The following SACM1L variants were observed in gnomAD, a reference collection of about 807,000 sequenced individuals.
The protein encoded by SACM1L is phosphatidylinositol-3-phosphatase SAC1.
SACM1L carries 32 observed loss-of-function variants against 89.5 expected under a neutral mutation model. The observed-to-expected ratio is 0.36, with a 90% CI of 0.27 to 0.48. The LOEUF is 0.48. Among genes scored for constraint, SACM1L ranks in the 20% least tolerant of loss-of-function variants. The pLI is 0.99. For missense variants in SACM1L, 543 were observed against 708.5 expected, an observed-to-expected ratio of 0.77 and a Z score of 2.65; for synonymous variants, 213 against 232.8, an observed-to-expected ratio of 0.92 and a Z score of 0.77.
chr3:45,729,283 T>TGGGGC (rs71095052), intron 11 of SACM1L, among the ~76,000 whole-genome samples: 1 of 151,952 alleles, frequency 6.6e-6, no homozygotes. Flanking sequence ...GACAGGGTTT[T>TGGGGC]CATGTTGGCC....
intron 7 of SACM1L, among the ~76,000 whole-genome samples, chr3:45,715,975 C>G (rs1441984059): frequency 2.6e-5 from 4 of 151,912 alleles, no homozygotes; most frequent in African/African-American, 9.7e-5. Flanking sequence ...TTTAAATGAG[C>G]TTTTCTTTAG....
intron 7 of SACM1L, among the ~76,000 whole-genome samples, chr3:45,715,976 T>C (rs1698648018): frequency 6.6e-6 from 1 of 152,152 alleles, no homozygotes; most frequent in Non-Finnish European, 1.5e-5. Context: ...TTAAATGAGC[T>C]TTTCTTTAGT....
chr3:45,743,758 G>A lies in SACM1L; in HGVS notation c.*89G>A, dbSNP rs908185925. 1.5e-5 allele frequency: 22 copies of A among 1,435,880 alleles called. No individual in the cohort carries two copies. Among genetic ancestry groups the A allele is most frequent in the East Asian group, 2.3e-5 (1 of 42,908 alleles). 88.9% of individuals were successfully genotyped at this position (1,435,880 alleles called of 1,614,324 possible). A position where few individuals can be genotyped will look rare whatever the true frequency, so the allele number is the denominator to read the frequency against. ...TGACCCGCTTTCCACATCAGCCCAA[G>A]GTCTTTTTAATGCCTTTATCCAAAA... On this transcript the variant is annotated 3_prime_UTR_variant, in exon 20 of 20. Transcript: ENST00000389061.
chr3:45,737,069 G>T (rs1699217822), intron 14 of SACM1L, among the ~76,000 whole-genome samples: 1 of 152,168 alleles, frequency 6.6e-6, no homozygotes, highest in Non-Finnish European at 1.5e-5. Flanking sequence ...GATTCAGGGG[G>T]CCCAGCAACC....
chr3:45,718,859 C>T (rs1435266061), intron 7 of SACM1L, among the ~76,000 whole-genome samples: 1 of 152,012 alleles, frequency 6.6e-6, no homozygotes, highest in Non-Finnish European at 1.5e-5. Flanking sequence ...GTGTCCTATA[C>T]CATATACTAT....
intron 1 of SACM1L, 42 bp from the exon 2 acceptor site, chr3:45,703,396 A>G (rs775468178): frequency 4.4e-6 from 6 of 1,348,722 alleles, no homozygotes; most frequent in South Asian, 1.2e-5. Flanking sequence ...AGAAGTCTTC[A>G]TTTCATTTGG....
chr3:45,714,250 T>C (rs1698594565), intron 7 of SACM1L, among the ~76,000 whole-genome samples, 171 bp downstream of exon 7: 1 of 151,802 alleles, frequency 6.6e-6, no homozygotes, highest in Non-Finnish European at 1.5e-5. Context: ...TGTTTTTTTT[T>C]TTTTTAGAAT....
chr3:45,719,709 T>C, intron 8 of SACM1L, 108 bp downstream of exon 8: 2 of 604,440 alleles, frequency 3.3e-6, no homozygotes, highest in East Asian at 3.0e-5. Flanking sequence ...TTTGATAGCC[T>C]TGCTAAGTAT....
chr3:45,724,552 G>A (rs1272313196), intron 11 of SACM1L, among the ~76,000 whole-genome samples: 1 of 151,944 alleles, frequency 6.6e-6, no homozygotes, highest in Non-Finnish European at 1.5e-5. Flanking sequence ...TTATCTCTTA[G>A]CAGACAGGTG....
At chr3:45,739,376 G>A (rs936466230) in intron 18 of SACM1L, among the ~76,000 whole-genome samples, 4 of 152,132 alleles carry the variant, frequency 2.6e-5, no homozygotes, top group African/African-American at 7.2e-5. Flanking sequence ...GCAAAAGCAT[G>A]CTTCTTCCGA....
chr3:45,742,318 A>T (rs550217646), intron 19 of SACM1L, among the ~76,000 whole-genome samples: 1 of 152,340 alleles, frequency 6.6e-6, no homozygotes, highest in South Asian at 2.1e-4. Context: ...TATTCTTATG[A>T]TAAACTTTGT....
intron 19 of SACM1L, among the ~76,000 whole-genome samples, chr3:45,743,146 A>T (rs566113685): frequency 2.0e-5 from 3 of 152,332 alleles, no homozygotes; most frequent in South Asian, 4.1e-4. Context: ...TAGAACTATG[A>T]ATTAAACTTA....
chr3:45,717,180 T>G (rs1698681610), intron 7 of SACM1L, among the ~76,000 whole-genome samples: 1 of 152,220 alleles, frequency 6.6e-6, no homozygotes, highest in Admixed American at 6.5e-5. Context: ...GCAGCTCAAC[T>G]CATTGCTGAT....
In SACM1L at chr3:45,689,810, C is replaced by T. The variant is rs1220285308; in HGVS notation, c.32+313C>T. On this transcript the variant is annotated intron_variant, in intron 1 of 19. Coordinates refer to ENST00000389061, the MANE Select transcript of SACM1L (RefSeq NM_014016.5). ...GCGGCCCTTCAGGGCACGCTTGTCC[C>T]CACTTTCTATGCAGAGCTACCGACT... The T allele has an allele frequency of 7.4e-6, 4 of 541,994 alleles. No individual in the cohort carries two copies. The African/African-American group carries it at 7.7e-5, about 10-fold the overall frequency. 33.6% of individuals were successfully genotyped at this position (541,994 alleles called of 1,614,324 possible). A position where few individuals can be genotyped will look rare whatever the true frequency, so the allele number is the denominator to read the frequency against.
chr3:45,704,640 T>C (rs1270659951), intron 2 of SACM1L, among the ~76,000 whole-genome samples: 1 of 152,190 alleles, frequency 6.6e-6, no homozygotes, highest in East Asian at 1.9e-4. Flanking sequence ...GTATTTTCAG[T>C]TATCCTTGAT....
chr3:45,739,019 G>T, intron 18 of SACM1L, 146 bp downstream of exon 18: 1 of 590,256 alleles, frequency 1.7e-6, no homozygotes. Context: ...AAGAGGTCAG[G>T]CTGAGGAGTA....
intron 12 of SACM1L, among the ~76,000 whole-genome samples, chr3:45,731,836 T>C (rs1299630964): frequency 6.6e-6 from 1 of 152,186 alleles, no homozygotes; most frequent in Non-Finnish European, 1.5e-5. Flanking sequence ...ACATATCATA[T>C]ATATATTTTT....
chr3:45,725,684 C>T (rs2742456), intron 11 of SACM1L, among the ~76,000 whole-genome samples: 94,318 of 149,484 alleles, frequency 0.63, 29,955 homozygotes, highest in Non-Finnish European at 0.66. Context: ...TTTGGATGCC[C>T]TTTTTTTTTT....
chr3:45,704,280 A>C (rs1698336678), intron 2 of SACM1L, among the ~76,000 whole-genome samples: 1 of 152,218 alleles, frequency 6.6e-6, no homozygotes, highest in African/African-American at 2.4e-5. Context: ...GAATAACCAT[A>C]GAGTAGGCAT....
Sources: gnomAD v4.1 joint callset for allele counts (sites outside exome capture counted in the v4.1 genomes callset) on GRCh38, gnomAD v4.1.1 for gene constraint, MANE v1.5 for transcripts, NCBI Gene and HGNC (gene_info 2026-07-23, HGNC 2026-07-21) for gene names.